The following POLA1 variants were observed in gnomAD, a reference collection of about 807,000 sequenced individuals.
POLA1 encodes DNA polymerase alpha catalytic subunit.
Under a neutral mutation model 124.0 loss-of-function variants are expected in POLA1, and 15 were observed. The ratio of observed to expected loss-of-function variants is 0.12; its 90% confidence interval spans 0.08 to 0.19. POLA1 has a LOEUF of 0.19. Among genes scored for constraint, POLA1 ranks in the 10% least tolerant of loss-of-function variants. The pLI is 1.00. For missense variants in POLA1, 886 were observed against 1,103.4 expected, an observed-to-expected ratio of 0.80 and a Z score of 2.79; for synonymous variants, 408 against 389.4, an observed-to-expected ratio of 1.05 and a Z score of -0.56.
chrX:24,701,764 A>AT (rs753871510), intron 2 of POLA1, among the ~76,000 whole-genome samples: 1,229 of 86,412 alleles, frequency 0.014, 18 homozygotes, highest in African/African-American at 0.049. Context: ...GAATGGGAGA[A>AT]TTTTTTTTTT....
chrX:24,977,217 T>C (rs2048374457), intron 36 of POLA1, among the ~76,000 whole-genome samples: 1 of 112,094 alleles, frequency 8.9e-6, no homozygotes, highest in Admixed American at 9.4e-5. Context: ...AGTAGCTTCC[T>C]GAGAAAGAGT....
intron 26 of POLA1, chrX:24,775,496 A>G (rs1200108190): frequency 8.9e-6 from 1 of 112,226 alleles, no homozygotes; most frequent in Non-Finnish European, 1.9e-5. Flanking sequence ...TATCAGAGTG[A>G]TTTGAAACAG....
intron 24 of POLA1, among the ~76,000 whole-genome samples, chrX:24,746,975 C>T: frequency 9.0e-6 from 1 of 111,468 alleles, no homozygotes. Flanking sequence ...TCTAATGCTT[C>T]CCCTGCTTTT....
At chrX:24,952,971 G>A (rs1382173407) in intron 36 of POLA1, among the ~76,000 whole-genome samples, 2 of 112,184 alleles carry the variant, frequency 1.8e-5, no homozygotes, top group Non-Finnish European at 3.8e-5. Context: ...GTAGTGATAG[G>A]TAAATAAGAA....
At chrX:24,977,907 T>TG (rs1029038186) in intron 36 of POLA1, among the ~76,000 whole-genome samples, 2 of 111,046 alleles carry the variant, frequency 1.8e-5, no homozygotes, top group Non-Finnish European at 3.8e-5. Context: ...GGTGGGGGTT[T>TG]GGGGTCTCTG....
intron 26 of POLA1, among the ~76,000 whole-genome samples, chrX:24,790,925 A>ATG (rs1219624836): frequency 3.0e-5 from 3 of 100,829 alleles, no homozygotes; most frequent in African/African-American, 1.1e-4. Flanking sequence ...ATATATATAT[A>ATG]TATATATATA....
chrX:24,988,284 G>A (rs934800125), intron 36 of POLA1, among the ~76,000 whole-genome samples: 1 of 112,386 alleles, frequency 8.9e-6, no homozygotes, highest in Admixed American at 9.4e-5. Flanking sequence ...ACTAACATTT[G>A]TTGACCATTA....
chrX:24,873,921 T>C (rs2046900133), intron 34 of POLA1, among the ~76,000 whole-genome samples: 2 of 112,394 alleles, frequency 1.8e-5, no homozygotes, highest in Non-Finnish European at 3.8e-5. Flanking sequence ...TGAAATTTGC[T>C]GTATATTTTA....
intron 1 of POLA1, among the ~76,000 whole-genome samples, chrX:24,694,224 C>T (rs1927813477): frequency 8.9e-6 from 1 of 112,650 alleles, no homozygotes; most frequent in South Asian, 3.7e-4. Context: ...GCTGTCTCAC[C>T]TCTGCCACTG....
intron 10 of POLA1, among the ~76,000 whole-genome samples, chrX:24,720,152 T>C (rs1300038218): frequency 8.9e-6 from 1 of 112,259 alleles, no homozygotes; most frequent in East Asian, 2.8e-4. Flanking sequence ...TTACTCCTTG[T>C]TTTTTGTCTG....
intron 26 of POLA1, among the ~76,000 whole-genome samples, chrX:24,749,687 A>C (rs955216156): frequency 8.9e-6 from 1 of 111,987 alleles, no homozygotes; most frequent in Non-Finnish European, 1.9e-5. Flanking sequence ...TGAGTAATAG[A>C]ATTCCAGACA....
intron 36 of POLA1, among the ~76,000 whole-genome samples, chrX:24,971,572 C>G (rs2048303138): frequency 8.9e-6 from 1 of 112,096 alleles, no homozygotes; most frequent in African/African-American, 3.2e-5. Flanking sequence ...ACACTGTCCC[C>G]TGGCACTTCT....
chrX:24,767,324 T>C (rs1296820793), intron 26 of POLA1, among the ~76,000 whole-genome samples: 1 of 111,909 alleles, frequency 8.9e-6, no homozygotes, highest in African/African-American at 3.2e-5. Context: ...GTTTCTCCCC[T>C]CCTCCACTCA....
Position 24,956,670 on chromosome X carries a change from C to T in POLA1, c.4261+26121C>T, listed in dbSNP as rs775763373. On this transcript the variant is annotated intron_variant, in intron 36 of 36. Coordinates refer to ENST00000379068, the MANE Select transcript of POLA1 (RefSeq NM_001330360.2). Reference sequence around the variant, plus strand: ...TGTTTAATTTTGTTTTAAGCCAGCTCTCTCCATATTTATGTAGATGCAGGG... The same window carrying T: ...TGTTTAATTTTGTTTTAAGCCAGCTTTCTCCATATTTATGTAGATGCAGGG... Among the ~76,000 whole-genome samples, 9 of 111,945 alleles carry T rather than the reference C, an allele frequency of 8.0e-5. No homozygotes were observed. The East Asian group carries it at 2.0e-3, about 24-fold the overall frequency.
At position 24,880,749 on chromosome X, in the gene POLA1, G is replaced by C. The variant is rs1167246855; in HGVS notation, c.4048-7257G>C. ...AGGAGACCCATTTTTTGCCACTGGGGATAATTCTGTGGCAGAAAAATGTGC... is the reference window on the plus strand; with the variant it reads ...AGGAGACCCATTTTTTGCCACTGGGCATAATTCTGTGGCAGAAAAATGTGC... On this transcript the variant is annotated intron_variant, in intron 34 of 36. Transcript: ENST00000379068. 4.5e-5 allele frequency among the ~76,000 whole-genome samples: 5 copies of C among 111,751 alleles called. No individual in the cohort carries two copies. In the Admixed American group the frequency reaches 4.8e-4, roughly 11 times the overall value.
rs748039872 is a variant in POLA1, at chrX:24,968,651, G to C, written c.4262-27154G>C. On this transcript the variant is annotated intron_variant, in intron 36 of 36. Coordinates refer to ENST00000379068, the MANE Select transcript of POLA1 (RefSeq NM_001330360.2). ...CCGGGAGGCGGAGCTTGCAGTGAGC[G>C]GAGATTGGGCCACTGTACTCCAGCC... is the stretch of plus-strand genomic sequence containing the variant. Among the ~76,000 whole-genome samples, 951 of 105,239 alleles carry C rather than the reference G, an allele frequency of 9.0e-3. 3 individuals are homozygous for C. The highest frequency in any genetic ancestry group is 0.015 in the Non-Finnish European group (779 of 50,967). 91.4% of individuals were successfully genotyped at this position (105,239 alleles called of 115,157 possible).
At chrX:24,845,207 A>G (rs933622570) in intron 34 of POLA1, among the ~76,000 whole-genome samples, 1 of 111,373 alleles carries the variant, frequency 9.0e-6, no homozygotes, top group African/African-American at 3.3e-5. Flanking sequence ...AGGGATCCAG[A>G]TATTTAACAC....
chrX:24,820,436 A>T, intron 30 of POLA1, among the ~76,000 whole-genome samples: 1 of 111,638 alleles, frequency 9.0e-6, no homozygotes, highest in Non-Finnish European at 1.9e-5. Flanking sequence ...TACCCCTTCC[A>T]GGGCTGGGTA....
intron 21 of POLA1, 106 bp from the exon 22 acceptor site, chrX:24,741,896 A>T: frequency 3.7e-6 from 2 of 534,555 alleles, no homozygotes; most frequent in African/African-American, 2.4e-5. Context: ...GACCGTTATT[A>T]GGAATAGTTT....
Sources: allele counts gnomAD v4.1 joint callset (sites outside exome capture counted in the v4.1 genomes callset), GRCh38; gene constraint gnomAD v4.1.1; transcripts MANE v1.5; gene names NCBI Gene and HGNC (gene_info 2026-07-23, HGNC 2026-07-21).